Variants in TRPC6 observed in about 807,000 individuals in gnomAD.
TRPC6 encodes the protein transient receptor potential cation channel subfamily C member 6, also known as short transient receptor potential channel 6.
TRPC6 carries 55 observed loss-of-function variants against 90.7 expected under a neutral mutation model. The observed-to-expected ratio is 0.61, with a 90% confidence interval of 0.49 to 0.76. The LOEUF (loss-of-function observed/expected upper bound fraction) is 0.76, where lower values mean the gene tolerates loss of function less well. Ranked by LOEUF, TRPC6 falls within the 30% of genes least tolerant of loss-of-function variation. TRPC6 has a pLI of 0.00. For synonymous variants in TRPC6, 393 were observed against 393.0 expected (o/e 1.00, Z 0.00); for missense variants, 989 against 1,122.7 (o/e 0.88, Z 1.70).
chr11:101,558,296 T>TAC, intron 1 of TRPC6, among the ~76,000 whole-genome samples: 1 of 139,372 alleles, frequency 7.2e-6, no homozygotes, highest in Non-Finnish European at 1.6e-5. Flanking sequence ...TATACATGTA[T>TAC]ATGGGTATAC....
chr11:101,555,468 T>C lies in TRPC6; in HGVS notation c.170+27866A>G, dbSNP rs187841033. On this transcript the variant is annotated intron_variant, in intron 1 of 12. Coordinates refer to ENST00000344327, the MANE Select transcript of TRPC6 (RefSeq NM_004621.6). ...TGAGCTTCGTAAGTGGTTGAGCTGATATATTCTGCTCATAGTTATCGATGT... is the reference window on the plus strand; with the variant it reads ...TGAGCTTCGTAAGTGGTTGAGCTGACATATTCTGCTCATAGTTATCGATGT... 9.2e-5 allele frequency among the ~76,000 whole-genome samples: 14 copies of C among 152,346 alleles called. No individual in the cohort carries two copies. The East Asian group carries it at 2.5e-3, about 27-fold the overall frequency.
At chr11:101,559,069 T>C (rs1861652136) in intron 1 of TRPC6, among the ~76,000 whole-genome samples, 1 of 151,616 alleles carries the variant, frequency 6.6e-6, no homozygotes, top group Non-Finnish European at 1.5e-5. Flanking sequence ...AACAACAGAG[T>C]ACAGAGACAA....
chr11:101,556,107 T>C (rs141073064), intron 1 of TRPC6, among the ~76,000 whole-genome samples: 355 of 152,198 alleles, frequency 2.3e-3, no homozygotes, highest in African/African-American at 8.0e-3. Flanking sequence ...TAAACACCTA[T>C]TTCAAAAAAG....
At chr11:101,468,854 C>A (rs1040466809) in intron 10 of TRPC6, among the ~76,000 whole-genome samples, 3 of 152,010 alleles carry the variant, frequency 2.0e-5, no homozygotes, top group African/African-American at 7.3e-5. Flanking sequence ...ATTCCTTTAT[C>A]ATTTCTTTTC....
At chr11:101,466,554 C>A (rs1218157953) in intron 10 of TRPC6, among the ~76,000 whole-genome samples, 1 of 152,226 alleles carries the variant, frequency 6.6e-6, no homozygotes, top group Non-Finnish European at 1.5e-5. Flanking sequence ...GCCCTGCCCC[C>A]ACCAAGCTCA....
At chr11:101,481,671 G>A (rs1428364785) in intron 5 of TRPC6, among the ~76,000 whole-genome samples, 1 of 152,184 alleles carries the variant, frequency 6.6e-6, no homozygotes, top group East Asian at 1.9e-4. Context: ...GGGTGCTCTC[G>A]AGTCCTTTCC....
intron 2 of TRPC6, among the ~76,000 whole-genome samples, chr11:101,492,936 G>T (rs1254379497): frequency 6.6e-6 from 1 of 152,182 alleles, no homozygotes; most frequent in Non-Finnish European, 1.5e-5. Flanking sequence ...AAAGTTTAAT[G>T]AAACACTGTT....
chr11:101,523,689 A>G (rs1319548476), intron 1 of TRPC6, among the ~76,000 whole-genome samples: 2 of 152,238 alleles, frequency 1.3e-5, no homozygotes, highest in African/African-American at 4.8e-5. Flanking sequence ...GAAATTGAAT[A>G]CAGCAAATTG....
At chr11:101,521,948 A>G (rs1265505852) in intron 1 of TRPC6, among the ~76,000 whole-genome samples, 1 of 152,158 alleles carries the variant, frequency 6.6e-6, no homozygotes, top group African/African-American at 2.4e-5. Context: ...GGAAGTAAGT[A>G]ACTTTTTGTT....
chr11:101,482,897 G>T, intron 5 of TRPC6, 52 bp downstream of exon 5: 1 of 1,565,046 alleles, frequency 6.4e-7, no homozygotes, highest in Non-Finnish European at 8.8e-7. Context: ...GTGTCATTCA[G>T]TCCAACTGCT....
At chr11:101,460,457 T>C (rs1386719714) in intron 10 of TRPC6, among the ~76,000 whole-genome samples, 1 of 152,246 alleles carries the variant, frequency 6.6e-6, no homozygotes, top group Non-Finnish European at 1.5e-5. Flanking sequence ...ATTATTCTTA[T>C]GATCATATTA....
At chr11:101,550,644 A>C (rs1861429699) in intron 1 of TRPC6, among the ~76,000 whole-genome samples, 1 of 151,754 alleles carries the variant, frequency 6.6e-6, no homozygotes, top group African/African-American at 2.4e-5. Flanking sequence ...ATTGAATAAC[A>C]ATATTATTCT....
Position 101,453,106 on chromosome 11 carries a change from C to T in TRPC6, c.2645G>A (p.Gly882Glu). Residue 882 changes from glycine (G) to glutamate (E), a missense_variant and splice_region_variant, in exon 13 of 13, where the codon GGG becomes GAG. Gly to Glu is a moderately conservative substitution (Grantham distance 98, BLOSUM62 -2). This residue lies in a region of TRPC6 where 191 missense variants were observed against 196.7 expected (regional missense o/e 0.97). Coordinates refer to ENST00000344327, the MANE Select transcript of TRPC6 (RefSeq NM_004621.6). ...GTCCTGCTTAATTTCCTTCAGTTCC[C>T]CTTTGAAAGCAAGAGTGATAAGAAG... The part of the protein sequence containing the change: ...IDKESDEVNE[G>E]ELKEIKQDIS... 6.2e-7 allele frequency: 1 copy of T among 1,604,568 alleles called. No homozygotes were observed. Among genetic ancestry groups the T allele is most frequent in the Non-Finnish European group, 8.5e-7 (1 of 1,178,476 alleles).
At chr11:101,535,119 T>A (rs1378056166) in intron 1 of TRPC6, among the ~76,000 whole-genome samples, 1 of 149,630 alleles carries the variant, frequency 6.7e-6, no homozygotes, top group Non-Finnish European at 1.5e-5. Flanking sequence ...TGAGCCAAGG[T>A]CACACCACTG....
At chr11:101,501,820 T>A (rs1198155685) in intron 2 of TRPC6, among the ~76,000 whole-genome samples, 1 of 152,214 alleles carries the variant, frequency 6.6e-6, no homozygotes, top group Admixed American at 6.5e-5. Context: ...ATAAAAATTG[T>A]CAAGTTCTAG....
At chr11:101,504,931 A>G (rs1860223173) in intron 1 of TRPC6, 133 bp from the exon 2 acceptor site, 2 of 1,054,246 alleles carry the variant, frequency 1.9e-6, no homozygotes, top group African/African-American at 1.6e-5. Flanking sequence ...CTACTATATT[A>G]TAAAATGAAG....
intron 4 of TRPC6, among the ~76,000 whole-genome samples, chr11:101,488,717 G>T (rs148551309): frequency 3.3e-4 from 50 of 151,670 alleles, no homozygotes; most frequent in Non-Finnish European, 6.8e-4. Flanking sequence ...TATCTTTTCC[G>T]TTTTTTTTGT....
At chr11:101,565,698 A>G (rs114538801) in intron 1 of TRPC6, among the ~76,000 whole-genome samples, 132 of 152,260 alleles carry the variant, frequency 8.7e-4, no homozygotes, top group African/African-American at 3.0e-3. Flanking sequence ...TGTATATAAT[A>G]GGTATTTGAT....
intron 2 of TRPC6, 148 bp from the exon 3 acceptor site, chr11:101,491,886 G>A (rs185697917): frequency 8.1e-6 from 6 of 744,582 alleles, no homozygotes; most frequent in Non-Finnish European, 1.2e-5. Flanking sequence ...TGTTGCCCAG[G>A]CTGGAGTGCA....
Sources: gnomAD v4.1 joint callset for allele counts (sites outside exome capture counted in the v4.1 genomes callset) on GRCh38, gnomAD v4.1.1 for gene constraint, gnomAD v4.1.1 regional missense constraint, MANE v1.5 for transcripts, NCBI Gene and HGNC (gene_info 2026-07-23, HGNC 2026-07-21) for gene names.